Variants in CFAP61 observed in about 807,000 individuals in gnomAD.
CFAP61 encodes cilia and flagella associated protein 61.
In CFAP61, 107 loss-of-function variants were observed where a neutral mutation model predicts 135.6. That is an observed-to-expected ratio of 0.79 (90% CI 0.67 to 0.93). The LOEUF is 0.93. Ranked by LOEUF, CFAP61 falls within the 40% of genes least tolerant of loss-of-function variation. The probability of loss-of-function intolerance (pLI) is 0.00; values close to 1 mark genes in which losing one functional copy is unlikely to be tolerated. For synonymous variants in CFAP61, 575 were observed against 578.5 expected (o/e 0.99, Z 0.09); for missense variants, 1,507 against 1,556.2 (o/e 0.97, Z 0.53).
intron 3 of CFAP61, among the ~76,000 whole-genome samples, chr20:20,071,666 TC>T (rs1199701888): frequency 1.3e-5 from 2 of 152,086 alleles, no homozygotes. Flanking sequence ...CTGCAGCATG[TC>T]CCCAGAGCCC....
Position 20,052,565 on chromosome 20 carries a change from G to A in CFAP61, c.-63G>A, listed in dbSNP as rs772687775. The A allele has an allele frequency of 8.1e-6, 13 of 1,613,834 alleles. No individual in the cohort carries two copies. The African/African-American group carries it at 1.7e-4, about 22-fold the overall frequency. On this transcript the variant is annotated 5_prime_UTR_variant, in exon 1 of 27. The change creates a new upstream start codon in the 5' untranslated region. Coordinates refer to ENST00000245957, the MANE Select transcript of CFAP61 (RefSeq NM_015585.4). ...CGTCCTCCTTGCGGCAGCGCGTGGA[G>A]TGCGGCGTCCTGGAGCTGCGGATGA... is the stretch of plus-strand genomic sequence containing the variant.
chr20:20,157,822 A>G (rs2053060059), intron 9 of CFAP61, among the ~76,000 whole-genome samples: 1 of 152,224 alleles, frequency 6.6e-6, no homozygotes, highest in Non-Finnish European at 1.5e-5. Flanking sequence ...CTTTAAGAGA[A>G]TGAAAAGACA....
At chr20:20,242,813 A>T (rs1277300232) in intron 18 of CFAP61, among the ~76,000 whole-genome samples, 1 of 152,214 alleles carries the variant, frequency 6.6e-6, no homozygotes, top group Non-Finnish European at 1.5e-5. Context: ...TGATTTGAGT[A>T]ACTGTGTGTA....
chr20:20,230,624 T>C (rs55940650), intron 18 of CFAP61, among the ~76,000 whole-genome samples: 10,619 of 152,058 alleles, frequency 0.07, 1,172 homozygotes, highest in East Asian at 0.53. Context: ...GCAATCTCGG[T>C]TCACTACAAC....
At chr20:20,251,187 C>T (rs777541270) in intron 19 of CFAP61, among the ~76,000 whole-genome samples, 1 of 152,184 alleles carries the variant, frequency 6.6e-6, no homozygotes, top group African/African-American at 2.4e-5. Flanking sequence ...GAATCCTCAA[C>T]AATGTCACTT....
chr20:20,160,536 T>A (rs2053308083), intron 10 of CFAP61, among the ~76,000 whole-genome samples: 1 of 151,976 alleles, frequency 6.6e-6, no homozygotes, highest in Non-Finnish European at 1.5e-5. Flanking sequence ...CCTTACTGAA[T>A]TAAGTGCCCC....
At chr20:20,225,078 G>A (rs111876259) in intron 17 of CFAP61, among the ~76,000 whole-genome samples, 36 of 152,150 alleles carry the variant, frequency 2.4e-4, no homozygotes, top group African/African-American at 8.7e-4. Flanking sequence ...AAAACTTGTA[G>A]TTTGAAGGAA....
chr20:20,357,962 T>G (rs1344928702), intron 26 of CFAP61, among the ~76,000 whole-genome samples: 218 of 19,492 alleles, frequency 0.011, no homozygotes, highest in Admixed American at 0.023. Flanking sequence ...TGAGGGGAGG[T>G]GGTCATAGTG....
chr20:20,117,407 A>C (rs1337848320), intron 8 of CFAP61, among the ~76,000 whole-genome samples: 1 of 146,206 alleles, frequency 6.8e-6, no homozygotes, highest in Non-Finnish European at 1.5e-5. Flanking sequence ...AAATGCATGG[A>C]TTTATGTCTG....
chr20:20,307,682 A>T (rs1457584048), intron 25 of CFAP61, among the ~76,000 whole-genome samples: 1 of 152,242 alleles, frequency 6.6e-6, no homozygotes, highest in Non-Finnish European at 1.5e-5. Flanking sequence ...ATGGGATTAC[A>T]TATGATATTG....
rs73901507 is a variant in CFAP61, at chr20:20,294,307, G to A, written c.3217-3874G>A. ...GTTCTGTCAGCGACTGTGAATAGGAGTGGCCTGCACTACAAGGGTAATTTG... is the reference window on the plus strand; with the variant it reads ...GTTCTGTCAGCGACTGTGAATAGGAATGGCCTGCACTACAAGGGTAATTTG... On this transcript the variant is annotated intron_variant, in intron 24 of 26. Coordinates refer to ENST00000245957, the MANE Select transcript of CFAP61 (RefSeq NM_015585.4). Among the ~76,000 whole-genome samples, 627 of 152,328 alleles carry A rather than the reference G, an allele frequency of 4.1e-3. 3 individuals carry two copies. The highest frequency in any genetic ancestry group is 0.014 in the African/African-American group (590 of 41,572).
At chr20:20,222,722 C>G (rs1184092717) in intron 17 of CFAP61, among the ~76,000 whole-genome samples, 4 of 152,128 alleles carry the variant, frequency 2.6e-5, no homozygotes, top group Non-Finnish European at 5.9e-5. Context: ...GGAAGAGATT[C>G]CAACTGATTG....
chr20:20,096,672 T>A (rs746048837), intron 7 of CFAP61, among the ~76,000 whole-genome samples: 12 of 152,244 alleles, frequency 7.9e-5, no homozygotes, highest in Non-Finnish European at 1.3e-4. Context: ...AGAGTCAGGC[T>A]GGCCGTCTCT....
intron 13 of CFAP61, among the ~76,000 whole-genome samples, chr20:20,177,674 C>T (rs969618651): frequency 1.3e-5 from 2 of 150,342 alleles, no homozygotes; most frequent in African/African-American, 2.5e-5. Context: ...CTTGCCCTCA[C>T]GGGGGGCCTG....
intron 7 of CFAP61, 34 bp from the exon 8 acceptor site, chr20:20,098,621 A>AAAG (rs781194385): frequency 1.1e-5 from 17 of 1,527,206 alleles, no homozygotes; most frequent in Non-Finnish European, 1.5e-5. Context: ...AAAAAAAAAA[A>AAAG]AAAAAGAATA....
chr20:20,052,765 G>A (rs778047299), intron 1 of CFAP61, 174 bp downstream of exon 1: 41 of 1,545,874 alleles, frequency 2.7e-5, no homozygotes, highest in Middle Eastern at 1.8e-4. Context: ...GATGCTCGAG[G>A]GCGGGGGAAG....
chr20:20,248,641 TC>T (rs2050650409), intron 19 of CFAP61, among the ~76,000 whole-genome samples: 1 of 152,208 alleles, frequency 6.6e-6, no homozygotes, highest in Admixed American at 6.5e-5. Flanking sequence ...ATTGTGATAG[TC>T]CTTTTTCTAG....
intron 21 of CFAP61, among the ~76,000 whole-genome samples, chr20:20,266,258 C>T (rs1330743430): frequency 1.1e-4 from 16 of 152,184 alleles, no homozygotes; most frequent in Non-Finnish European, 1.9e-4. Flanking sequence ...AGTTTCATTG[C>T]TGGGCTTTCA....
chr20:20,323,150 C>T lies in CFAP61; in HGVS notation c.3423-18681C>T, dbSNP rs950983537. 1.9e-5 allele frequency: 19 copies of T among 985,404 alleles called. No individual in the cohort carries two copies. The East Asian group carries it at 4.5e-4, about 24-fold the overall frequency. The allele number at this position is 985,404 out of a possible 1,614,324, so 61.0% of individuals were successfully genotyped here. On this transcript the variant is annotated intron_variant, in intron 25 of 26. Transcript: ENST00000245957. The stretch of plus-strand genomic sequence containing the variant: ...TTCTTCCCGCCAAGGCTCAGCTAGG[C>T]GAGGATTCTAGTTTGAGCCAGTATA...
Sources: allele counts gnomAD v4.1 joint callset (sites outside exome capture counted in the v4.1 genomes callset), GRCh38; gene constraint gnomAD v4.1.1; transcripts MANE v1.5; gene names NCBI Gene and HGNC (gene_info 2026-07-23, HGNC 2026-07-21).